The following ELMO2 variants were observed in gnomAD, a reference collection of about 807,000 sequenced individuals.
ELMO2 encodes the protein engulfment and cell motility protein 2.
Under a neutral mutation model 96.2 loss-of-function variants are expected in ELMO2, and 37 were observed. That is an observed-to-expected ratio of 0.38 (90% CI 0.30 to 0.51). ELMO2 has a LOEUF of 0.51. Ranked by LOEUF, ELMO2 falls within the 20% of genes least tolerant of loss-of-function variation. The probability of loss-of-function intolerance (pLI) is 0.88; values close to 1 mark genes in which losing one functional copy is unlikely to be tolerated. For missense variants in ELMO2, 561 were observed against 912.6 expected (o/e 0.61, Z 4.96); for synonymous variants, 315 against 329.4 (o/e 0.96, Z 0.47).
chr20:46,404,075 A>G (rs1012159973), intron 1 of ELMO2, among the ~76,000 whole-genome samples: 2 of 150,964 alleles, frequency 1.3e-5, no homozygotes, highest in African/African-American at 2.4e-5. Flanking sequence ...CAAGAGTAAA[A>G]CTCCATCTCA....
chr20:46,367,614 T>A, intron 21 of ELMO2, 54 bp from the exon 22 acceptor site: 1 of 1,474,946 alleles, frequency 6.8e-7, no homozygotes, highest in Non-Finnish European at 9.2e-7. Context: ...CAGCAGGAGA[T>A]CCTGCCAAGG....
At chr20:46,388,956 A>T (rs2060098570) in intron 7 of ELMO2, 83 bp downstream of exon 7, 2 of 1,439,348 alleles carry the variant, frequency 1.4e-6, no homozygotes, top group South Asian at 2.6e-5. Context: ...TCCTTATTTG[A>T]CTCAAGGGAA....
chr20:46,368,197 C>T (rs2059624180), intron 21 of ELMO2, among the ~76,000 whole-genome samples: 1 of 152,142 alleles, frequency 6.6e-6, no homozygotes, highest in Admixed American at 6.6e-5. Flanking sequence ...CCACTAGCGG[C>T]AGCTCAGGCC....
chr20:46,394,259 C>G, intron 3 of ELMO2, 146 bp downstream of exon 3: 1 of 1,139,474 alleles, frequency 8.8e-7, no homozygotes, highest in Admixed American at 2.0e-5. Flanking sequence ...CCGACCTTCC[C>G]TAGGGTGGGC....
At chr20:46,401,821 G>A (rs1284401226) in intron 1 of ELMO2, among the ~76,000 whole-genome samples, 1 of 152,186 alleles carries the variant, frequency 6.6e-6, no homozygotes, top group Non-Finnish European at 1.5e-5. Flanking sequence ...ACTCTTCTAT[G>A]TGGCTTTCCT....
chr20:46,394,268 G>A (rs2060207097), intron 3 of ELMO2, 137 bp downstream of exon 3: 3 of 1,180,314 alleles, frequency 2.5e-6, no homozygotes, highest in Admixed American at 2.0e-5. Context: ...CCTAGGGTGG[G>A]CCAGGCCCAA....
At chr20:46,382,263 A>G (rs1334769306) in intron 10 of ELMO2, 2 of 1,289,740 alleles carry the variant, frequency 1.6e-6, no homozygotes, top group African/African-American at 1.5e-5. Flanking sequence ...AAGCAAAAGC[A>G]CAGAGAGAAG....
intron 6 of ELMO2, among the ~76,000 whole-genome samples, chr20:46,392,483 T>C (rs1299692587): frequency 1.3e-5 from 2 of 152,230 alleles, no homozygotes; most frequent in Non-Finnish European, 2.9e-5. Flanking sequence ...TTCCACATGG[T>C]CACTAAAGTG....
At chr20:46,403,281 C>T (rs2060366065) in intron 1 of ELMO2, among the ~76,000 whole-genome samples, 1 of 152,196 alleles carries the variant, frequency 6.6e-6, no homozygotes. Flanking sequence ...ATTATTATTA[C>T]TATTTCCCAG....
chr20:46,375,934 G>T lies in ELMO2; in HGVS notation c.808-144C>A. The T allele has an allele frequency of 8.6e-7, 1 of 1,158,234 alleles. No individual in the cohort carries two copies. The highest frequency in any genetic ancestry group is 1.2e-6 in the Non-Finnish European group (1 of 835,958). The allele number at this position is 1,158,234 out of a possible 1,614,324, so 71.7% of individuals were successfully genotyped here. ...ACGAGGACTTCATATTCTAGAAGGCGATGGAGCATGAATGGGCTTGGTTCA... is the reference window on the plus strand; with the variant it reads ...ACGAGGACTTCATATTCTAGAAGGCTATGGAGCATGAATGGGCTTGGTTCA... On this transcript the variant is annotated intron_variant, in intron 11 of 21. Coordinates refer to ENST00000290246, the MANE Select transcript of ELMO2 (RefSeq NM_133171.5). This position sits in a 1 kb window ranked among gnomAD's most constrained non-coding sequence, Gnocchi z 4.6.
chr20:46,373,952 T>C (rs1488399259), intron 15 of ELMO2, among the ~76,000 whole-genome samples: 1 of 140,476 alleles, frequency 7.1e-6, no homozygotes. Context: ...TTTTTTAAGA[T>C]AGAGTCTCAC....
intron 11 of ELMO2, among the ~76,000 whole-genome samples, chr20:46,378,731 T>C (rs915189430): frequency 1.8e-4 from 27 of 152,216 alleles, no homozygotes; most frequent in African/African-American, 6.5e-4. Flanking sequence ...CTGCATCCTG[T>C]TCTGCCAATA....
chr20:46,404,270 T>C (rs944726023), intron 1 of ELMO2, among the ~76,000 whole-genome samples: 1 of 152,228 alleles, frequency 6.6e-6, no homozygotes, highest in African/African-American at 2.4e-5. Flanking sequence ...GCATCAAATA[T>C]GCTTCTTGCT....
chr20:46,372,218 T>C (rs2145766550), intron 16 of ELMO2, among the ~76,000 whole-genome samples: 1 of 152,314 alleles, frequency 6.6e-6, no homozygotes, highest in Non-Finnish European at 1.5e-5. Flanking sequence ...TGGATTTTTG[T>C]AGTCAGAAAG....
intron 10 of ELMO2, chr20:46,382,256 CA>C (rs774038145): frequency 1.4e-5 from 18 of 1,289,684 alleles, no homozygotes; most frequent in Admixed American, 1.4e-4. Context: ...CGGCAGAAAG[CA>C]AAAGCACAGA....
At chr20:46,380,842 G>A (rs534514350) in intron 10 of ELMO2, among the ~76,000 whole-genome samples, 3 of 152,286 alleles carry the variant, frequency 2.0e-5, no homozygotes, top group East Asian at 1.9e-4. Context: ...AGAACAATGA[G>A]TCTGGTGTTT....
At chr20:46,405,263 C>T (rs919212988) in intron 1 of ELMO2, among the ~76,000 whole-genome samples, 5 of 152,166 alleles carry the variant, frequency 3.3e-5, no homozygotes, top group African/African-American at 1.2e-4. Context: ...GTCGAAAAGT[C>T]AGGGACAGGG....
chr20:46,373,600 C>A, intron 15 of ELMO2, 65 bp from the exon 16 acceptor site: 2 of 1,580,620 alleles, frequency 1.3e-6, no homozygotes, highest in South Asian at 1.1e-5. Flanking sequence ...GAGCTCATGT[C>A]TGGAAACTTT....
rs549586168 is a variant in ELMO2 at position 46,376,910 on chromosome 20, T to C, written c.808-1120A>G. On this transcript the variant is annotated intron_variant, in intron 11 of 21. Coordinates refer to ENST00000290246, the MANE Select transcript of ELMO2 (RefSeq NM_133171.5). ...AAATTTAAGTTGAAAATTTGGTTCC[T>C]TAGTTGCACCAGCCACATTTTAAGT... is the stretch of plus-strand genomic sequence containing the variant. 1.4e-3 allele frequency: 1,397 copies of C among 996,730 alleles called. 17 individuals are homozygous for C. In the African/African-American group the frequency reaches 0.022, roughly 16 times the overall value. The allele number at this position is 996,730 out of a possible 1,614,324, so 61.7% of individuals were successfully genotyped here.
Sources: allele counts gnomAD v4.1 joint callset (sites outside exome capture counted in the v4.1 genomes callset), GRCh38; gene constraint gnomAD v4.1.1; non-coding constraint Gnocchi (gnomAD v3.1); transcripts MANE v1.5; gene names NCBI Gene and HGNC (gene_info 2026-07-23, HGNC 2026-07-21).